The following SOD2 variants were observed in gnomAD, a reference collection of about 807,000 sequenced individuals.
SOD2 encodes the protein superoxide dismutase [Mn], mitochondrial.
In SOD2, 11 loss-of-function variants were observed where a neutral mutation model predicts 27.0. That is an observed-to-expected ratio of 0.41 (90% CI 0.26 to 0.67). The LOEUF (loss-of-function observed/expected upper bound fraction) is 0.67, where lower values mean the gene tolerates loss of function less well. SOD2 is among the 30% of genes least tolerant of loss of function. The pLI is 0.34. For synonymous variants in SOD2, 105 were observed against 103.0 expected (o/e 1.02, Z -0.12); for missense variants, 250 against 274.5 (o/e 0.91, Z 0.63).
upstream of SOD2, among the ~76,000 whole-genome samples, chr6:159,750,185 G>A (rs1583104407): frequency 6.6e-6 from 1 of 152,178 alleles, no homozygotes; most frequent in Non-Finnish European, 1.5e-5. Flanking sequence ...CTTGCATTAA[G>A]GCTTTTGTAA....
chr6:159,733,389 G>A (rs1304448598), intron 1 of SOD2, among the ~76,000 whole-genome samples: 1 of 152,182 alleles, frequency 6.6e-6, no homozygotes, highest in Non-Finnish European at 1.5e-5. Flanking sequence ...GGCCAAGGCA[G>A]TTGGATTGCT....
intron 3 of SOD2, among the ~76,000 whole-genome samples, chr6:159,687,614 T>C (rs553623963): frequency 6.6e-6 from 1 of 152,328 alleles, no homozygotes; most frequent in South Asian, 2.1e-4. Flanking sequence ...CATAACCCCA[T>C]GAAAGCATTC....
chr6:159,757,662 C>T (rs747869293), intron 1 of SOD2, among the ~76,000 whole-genome samples: 6 of 152,152 alleles, frequency 3.9e-5, no homozygotes, highest in Non-Finnish European at 7.4e-5. Flanking sequence ...CCACCCACCT[C>T]GGCCTCCCAA....
chr6:159,721,674 CCTTTT>C (rs1354715338), intron 1 of SOD2, among the ~76,000 whole-genome samples: 2 of 113,538 alleles, frequency 1.8e-5, no homozygotes, highest in African/African-American at 3.5e-5. Context: ...CTGCGGCTGA[CCTTTT>C]TTTTTTTTTT....
chr6:159,754,381 T>G (rs536477087), intron 1 of SOD2, among the ~76,000 whole-genome samples: 1 of 152,266 alleles, frequency 6.6e-6, no homozygotes, highest in Non-Finnish European at 1.5e-5. Flanking sequence ...GGATCAGACT[T>G]GCTATGGAAC....
chr6:159,692,330 G>T, intron 2 of SOD2: 1 of 1,040,006 alleles, frequency 9.6e-7, no homozygotes, highest in Non-Finnish European at 1.3e-6. Flanking sequence ...AAAAAAACGA[G>T]TGACACAGTA....
Position 159,676,332 on chromosome 6 carries a change from G to C in SOD2, c.*6161C>G, listed in dbSNP as rs181910011. The C allele has an allele frequency of 6.6e-6, 1 of 152,186 alleles. No homozygotes were observed. Among genetic ancestry groups the C allele is most frequent in the Non-Finnish European group, 1.5e-5 (1 of 68,046 alleles). 9.4% of individuals were successfully genotyped at this position (152,186 alleles called of 1,614,324 possible). A position where few individuals can be genotyped will look rare whatever the true frequency, so the allele number is the denominator to read the frequency against. ...TTGTGGCACTGTTCACAATAGCAAA[G>C]ACTTGGAACCAACCCAAATGTCCAT... On this transcript the variant is annotated 3_prime_UTR_variant, in exon 5 of 5. Transcript: ENST00000538183.
At chr6:159,746,903 A>T (rs1779610356), upstream of SOD2, among the ~76,000 whole-genome samples, 1 of 152,222 alleles carries the variant, frequency 6.6e-6, no homozygotes, top group Non-Finnish European at 1.5e-5. Context: ...CTAAATAGTA[A>T]CTGAGTCTCA....
intron 1 of SOD2, among the ~76,000 whole-genome samples, chr6:159,738,393 T>C (rs9364534): frequency 0.21 from 32,015 of 152,146 alleles, 3,509 homozygotes; most frequent in East Asian, 0.4. Context: ...TTAAGGCTTA[T>C]ACAAATTGTT....
Position 159,672,872 on chromosome 6 carries a change from C to T in SOD2, c.*9621G>A, listed in dbSNP as rs1358358014. On this transcript the variant is annotated 3_prime_UTR_variant, in exon 5 of 5. Coordinates refer to ENST00000538183, the MANE Select transcript of SOD2 (RefSeq NM_000636.4). The stretch of plus-strand genomic sequence containing the variant: ...CATCTCACGTACAGAGACACACACA[C>T]ATAGGCTCAAAATAAAAGGATGGAG... 1 of 151,846 alleles carries T rather than the reference C, an allele frequency of 6.6e-6. No homozygotes were observed. The highest frequency in any genetic ancestry group is 2.4e-5 in the African/African-American group (1 of 41,314). 9.4% of individuals were successfully genotyped at this position (151,846 alleles called of 1,614,324 possible).
intron 1 of SOD2, among the ~76,000 whole-genome samples, chr6:159,723,626 C>T (rs1348316785): frequency 6.6e-6 from 1 of 152,226 alleles, no homozygotes; most frequent in Non-Finnish European, 1.5e-5. Flanking sequence ...CATCCTGGTT[C>T]AGCCAGGACT....
chr6:159,673,296 A>G lies in SOD2; in HGVS notation c.*9197T>C, dbSNP rs1175172652. 1.3e-5 allele frequency: 2 copies of G among 152,210 alleles called. No homozygotes were observed. Among genetic ancestry groups the G allele is most frequent in the Non-Finnish European group, 2.9e-5 (2 of 68,038 alleles). The allele number at this position is 152,210 out of a possible 1,614,324, so 9.4% of individuals were successfully genotyped here. On this transcript the variant is annotated 3_prime_UTR_variant, in exon 5 of 5. Coordinates refer to ENST00000538183, the MANE Select transcript of SOD2 (RefSeq NM_000636.4). ...TCCACCCCAAATCAACAGAATATACATTCTTCTCAGCACCACATCGCACCT... is the reference window on the plus strand; with the variant it reads ...TCCACCCCAAATCAACAGAATATACGTTCTTCTCAGCACCACATCGCACCT...
At chr6:159,726,823 G>C (rs1339553804) in intron 1 of SOD2, 4 of 1,289,194 alleles carry the variant, frequency 3.1e-6, no homozygotes, top group African/African-American at 1.5e-5. Context: ...GAGAGGGAAG[G>C]CATCGGTTTC....
At chr6:159,741,678 T>C (rs1390132442) in intron 1 of SOD2, 1 of 162,892 alleles carries the variant, frequency 6.1e-6, no homozygotes, top group African/African-American at 2.4e-5. Context: ...AATGAGGGAC[T>C]ATTTTATGAT....
chr6:159,684,879 A>G lies in SOD2; in HGVS notation c.498T>C (p.Asn166=). The G allele has an allele frequency of 1.9e-6, 3 of 1,612,830 alleles. No homozygotes were observed. The highest frequency in any genetic ancestry group is 2.5e-6 in the Non-Finnish European group (3 of 1,179,418). The part of the protein sequence containing the change: ...RGHLQIAACP[N]QDPLQGTTGL... ...CTGTTGTTCCTTGCAGTGGATCCTG[A>G]TTTGGACAAGCAGCAATTTGTAAGT... Residue 166 remains asparagine (N), a synonymous_variant, in exon 4 of 5, where the codon AAT becomes AAC. Coordinates refer to ENST00000538183, the MANE Select transcript of SOD2 (RefSeq NM_000636.4).
intron 1 of SOD2, among the ~76,000 whole-genome samples, chr6:159,742,809 A>T (rs191719626): frequency 1.8e-3 from 276 of 152,106 alleles, no homozygotes; most frequent in Non-Finnish European, 3.3e-3. Flanking sequence ...TAATCCCAGC[A>T]CTTTGGGAGG....
chr6:159,693,262 G>A (rs1429481921), upstream of SOD2: 6 of 1,251,376 alleles, frequency 4.8e-6, no homozygotes, highest in East Asian at 3.1e-5. Flanking sequence ...CGCCGCCCGC[G>A]GGCCTTAAGA....
chr6:159,685,080 A>G, intron 3 of SOD2, 47 bp from the exon 4 acceptor site: 1 of 1,431,720 alleles, frequency 7.0e-7, no homozygotes, highest in Non-Finnish European at 9.4e-7. Context: ...ACAGATTTCA[A>G]TAATTACAGT....
At chr6:159,697,388 C>A (rs116700601), upstream of SOD2, among the ~76,000 whole-genome samples, 817 of 151,932 alleles carry the variant, frequency 5.4e-3, 6 homozygotes, top group African/African-American at 0.019. Flanking sequence ...TTAATAGGAC[C>A]AAAAGTAGTA....
Sources: gnomAD v4.1 joint callset for allele counts (sites outside exome capture counted in the v4.1 genomes callset) on GRCh38, gnomAD v4.1.1 for gene constraint, MANE v1.5 for transcripts, NCBI Gene and HGNC (gene_info 2026-07-23, HGNC 2026-07-21) for gene names.